The following SETD7 variants were observed in gnomAD, a reference collection of about 807,000 sequenced individuals.
The protein encoded by SETD7 is histone-lysine N-methyltransferase SETD7.
Under a neutral mutation model 41.8 loss-of-function variants are expected in SETD7, and 16 were observed. The ratio of observed to expected loss-of-function variants is 0.38; its 90% CI spans 0.26 to 0.58. The LOEUF is 0.58. SETD7 is among the 20% of genes least tolerant of loss of function. The pLI is 0.64. For synonymous variants in SETD7, 163 were observed against 169.7 expected (o/e 0.96, Z 0.31); for missense variants, 346 against 459.7 (o/e 0.75, Z 2.26).
At chr4:139,540,643 G>C (rs1159903131) in intron 2 of SETD7, among the ~76,000 whole-genome samples, 2 of 152,196 alleles carry the variant, frequency 1.3e-5, no homozygotes, top group East Asian at 3.8e-4. Context: ...CACGTGTCCA[G>C]TGTTGAAGAA....
At chr4:139,531,240 C>T (rs139573409) in intron 3 of SETD7, among the ~76,000 whole-genome samples, 62 of 152,322 alleles carry the variant, frequency 4.1e-4, no homozygotes, top group African/African-American at 1.4e-3. Flanking sequence ...CAAAATGCAA[C>T]CATGTTGAGC....
At chr4:139,538,992 T>C (rs1432093905) in intron 2 of SETD7, among the ~76,000 whole-genome samples, 1 of 152,166 alleles carries the variant, frequency 6.6e-6, no homozygotes, top group Non-Finnish European at 1.5e-5. Flanking sequence ...ATGGATAAAT[T>C]TTATAGTTGT....
exon 8 of SETD7, chr4:139,495,986 A>G (rs1199036682): frequency 6.3e-6 from 1 of 157,500 alleles, no homozygotes. Flanking sequence ...ACATATAAAA[A>G]CACACATATA....
chr4:139,526,269 C>A (rs926396926), intron 4 of SETD7, among the ~76,000 whole-genome samples: 9 of 149,960 alleles, frequency 6.0e-5, no homozygotes, highest in African/African-American at 1.7e-4. Flanking sequence ...TTCTCACTCT[C>A]AACAATTTTT....
intron 7 of SETD7, 146 bp from the exon 8 acceptor site, chr4:139,511,989 C>T: frequency 7.1e-7 from 1 of 1,404,216 alleles, no homozygotes; most frequent in Non-Finnish European, 9.3e-7. Context: ...CACCCAGCAT[C>T]AGTTTCACCC....
Position 139,556,085 on chromosome 4 carries a change from G to T in SETD7, c.40+13C>A. On this transcript the variant is annotated intron_variant, in intron 1 of 7. Coordinates refer to ENST00000274031, the MANE Select transcript of SETD7 (RefSeq NM_030648.4). ...CTGCGCCTCCTCCCCCGGCCCCGGAGAAATGCTTGTACCTTCCACCGCCTC... is the reference window on the plus strand; with the variant it reads ...CTGCGCCTCCTCCCCCGGCCCCGGATAAATGCTTGTACCTTCCACCGCCTC... The T allele has an allele frequency of 6.3e-7, 1 of 1,591,672 alleles. No individual in the cohort carries two copies. Among genetic ancestry groups the T allele is most frequent in the Non-Finnish European group, 8.5e-7 (1 of 1,170,180 alleles).
Position 139,555,164 on chromosome 4 carries a change from T to C in SETD7, c.40+934A>G, listed in dbSNP as rs1728220083. Among the ~76,000 whole-genome samples the C allele has an allele frequency of 2.9e-5, 4 of 135,604 alleles. No homozygotes were observed. The South Asian group carries it at 9.4e-4, about 32-fold the overall frequency. The allele number at this position is 135,604 out of a possible 152,430, so 89.0% of individuals were successfully genotyped here. Reference sequence around the variant, plus strand: ...AACGAGATTGTATAACGTCCCCACATCGTTTTTTCAGAACTAACAAAAAAA... The same window carrying C: ...AACGAGATTGTATAACGTCCCCACACCGTTTTTTCAGAACTAACAAAAAAA... On this transcript the variant is annotated intron_variant, in intron 1 of 7. Transcript: ENST00000274031. The surrounding 1 kb of genome is among the most constrained non-coding windows in gnomAD (Gnocchi z 4.0).
At chr4:139,518,086 C>A in intron 6 of SETD7, 44 bp from the exon 7 acceptor site, 1 of 1,577,706 alleles carries the variant, frequency 6.3e-7, no homozygotes, top group South Asian at 1.2e-5. Context: ...ACCTTTCTCC[C>A]CAAAGGTCAA....
At chr4:139,527,124 T>A (rs1048355776) in intron 4 of SETD7, among the ~76,000 whole-genome samples, 20 of 152,320 alleles carry the variant, frequency 1.3e-4, no homozygotes, top group African/African-American at 4.8e-4. Flanking sequence ...TATTAATAAA[T>A]GGTACAGCCT....
In SETD7 at chr4:139,533,289, T is replaced by C; in HGVS notation, c.248A>G (p.Gln83Arg). 1 of 1,614,186 alleles carries C rather than the reference T, an allele frequency of 6.2e-7. No homozygotes were observed. The highest frequency in any genetic ancestry group is 8.5e-7 in the Non-Finnish European group (1 of 1,180,002). The part of the protein sequence containing the change: ...VYTYEDGGVL[Q>R]GTYVDGELNG... Reference sequence around the variant, plus strand: ...CAGCTCTCCGTCTACATACGTGCCCTGGAGAACTCCCCCATCTTCGTAAGT... The same window carrying C: ...CAGCTCTCCGTCTACATACGTGCCCCGGAGAACTCCCCCATCTTCGTAAGT... Residue 83 changes from glutamine to arginine, a missense_variant, in exon 3 of 8, where the codon CAG (glutamine) becomes CGG (arginine). Physicochemically the swap from Gln to Arg is conservative, Grantham distance 43. Transcript: ENST00000274031.
chr4:139,533,401 G>A (rs761224945), intron 2 of SETD7, 35 bp from the exon 3 acceptor site: 2 of 1,546,478 alleles, frequency 1.3e-6, no homozygotes, highest in Non-Finnish European at 1.8e-6. Context: ...GGAATAGTCA[G>A]ACCATGACTT....
chr4:139,513,066 A>G (rs1726925242), intron 7 of SETD7, among the ~76,000 whole-genome samples: 1 of 151,878 alleles, frequency 6.6e-6, no homozygotes, highest in Non-Finnish European at 1.5e-5. Flanking sequence ...GTTTATAGTC[A>G]TATTTTGCAC....
intron 2 of SETD7, among the ~76,000 whole-genome samples, chr4:139,538,566 T>C (rs1020496744): frequency 6.6e-6 from 1 of 152,150 alleles, no homozygotes; most frequent in African/African-American, 2.4e-5. Flanking sequence ...TGACCTCAAG[T>C]GATCCACCCG....
rs576403162 is a variant in SETD7, at chr4:139,545,203, A to G, written c.170+1717T>C. Reference sequence around the variant, plus strand: ...AGTGATACCAACTTTTTTTTTTTGAAACAGGGTCTTGCTCTGTCACCCAGG... The same window carrying G: ...AGTGATACCAACTTTTTTTTTTTGAGACAGGGTCTTGCTCTGTCACCCAGG... On this transcript the variant is annotated intron_variant, in intron 2 of 7. Coordinates refer to ENST00000274031, the MANE Select transcript of SETD7 (RefSeq NM_030648.4). Among the ~76,000 whole-genome samples the G allele has an allele frequency of 1.1e-4, 16 of 151,900 alleles. No individual in the cohort carries two copies. In the East Asian group the frequency reaches 3.1e-3, roughly 29 times the overall value.
intron 4 of SETD7, among the ~76,000 whole-genome samples, chr4:139,528,104 A>G (rs185380206): frequency 6.6e-5 from 10 of 152,328 alleles, no homozygotes; most frequent in Non-Finnish European, 1.3e-4. Flanking sequence ...ACCAATTCAA[A>G]TAGCTTTCTT....
intron 2 of SETD7, among the ~76,000 whole-genome samples, chr4:139,542,845 C>A (rs72941374): frequency 6.6e-6 from 1 of 152,102 alleles, no homozygotes; most frequent in Admixed American, 6.5e-5. Flanking sequence ...TTATCTCATT[C>A]GATGTCAAGG....
chr4:139,527,988 C>G (rs147088071), intron 4 of SETD7, among the ~76,000 whole-genome samples: 105 of 152,312 alleles, frequency 6.9e-4, no homozygotes, highest in Admixed American at 2.4e-3. Context: ...TAACTAAATA[C>G]TATTTAAGCC....
Position 139,517,988 on chromosome 4 carries a change from T to C in SETD7, c.817A>G (p.Thr273Ala). ...NGNTLSLDEE[T>A]VIDVPEPYNH... Reference sequence around the variant, plus strand: ...TAGGGCTCAGGCACATCAATGACCGTTTCTTCATCAAGGGAGAGGGTGTTC... The same window carrying C: ...TAGGGCTCAGGCACATCAATGACCGCTTCTTCATCAAGGGAGAGGGTGTTC... The change falls in exon 7 of 8, where the codon ACG (threonine) becomes GCG (alanine). Residue 273 changes from threonine (T) to alanine (A), a missense_variant. This residue lies in a region of SETD7 where 266 missense variants were observed against 377.0 expected (regional missense o/e 0.71). Transcript: ENST00000274031. The C allele has an allele frequency of 1.9e-6, 3 of 1,614,068 alleles. No individual in the cohort carries two copies. Among genetic ancestry groups the C allele is most frequent in the Non-Finnish European group, 2.5e-6 (3 of 1,179,974 alleles).
chr4:139,543,838 C>T (rs1313851640), intron 2 of SETD7, among the ~76,000 whole-genome samples: 1 of 150,520 alleles, frequency 6.6e-6, no homozygotes, highest in Non-Finnish European at 1.5e-5. Context: ...GTGGTGGGCG[C>T]CTGTAGTCCC....
Sources: gnomAD v4.1 joint callset for allele counts (sites outside exome capture counted in the v4.1 genomes callset) on GRCh38, gnomAD v4.1.1 for gene constraint, gnomAD v4.1.1 regional missense constraint, Gnocchi (gnomAD v3.1) non-coding constraint, MANE v1.5 for transcripts, NCBI Gene and HGNC (gene_info 2026-07-23, HGNC 2026-07-21) for gene names.